The following ARHGAP36 variants were observed in gnomAD, a reference collection of about 807,000 sequenced individuals.
ARHGAP36 encodes rho GTPase-activating protein 36.
Under a neutral mutation model 32.9 loss-of-function variants are expected in ARHGAP36, and 7 were observed. The ratio of observed to expected loss-of-function variants is 0.21; its 90% CI spans 0.12 to 0.40. The LOEUF (loss-of-function observed/expected upper bound fraction) is 0.40. ARHGAP36 is among the 10% of genes least tolerant of loss of function. The pLI, the probability that ARHGAP36 is intolerant of heterozygous loss-of-function variation, is 1.00. For missense variants in ARHGAP36, 383 were observed against 442.2 expected (o/e 0.87, Z 1.20); for synonymous variants, 165 against 168.3 (o/e 0.98, Z 0.15).
At chrX:131,076,854 TATA>T (rs1313515923) in intron 1 of ARHGAP36, among the ~76,000 whole-genome samples, 3 of 112,061 alleles carry the variant, frequency 2.7e-5, no homozygotes, top group Non-Finnish European at 5.6e-5. Flanking sequence ...ATTCTAATAT[TATA>T]ATGTTTCTGA....
At chrX:131,073,271 T>A (rs2079742089) in intron 1 of ARHGAP36, among the ~76,000 whole-genome samples, 2 of 112,886 alleles carry the variant, frequency 1.8e-5, no homozygotes, top group South Asian at 3.7e-4. Flanking sequence ...ACTTTACAGG[T>A]TCTGCGCTGC....
intron 1 of ARHGAP36, among the ~76,000 whole-genome samples, chrX:131,075,093 T>C (rs1372336319): frequency 1.8e-5 from 2 of 112,433 alleles, no homozygotes; most frequent in African/African-American, 6.5e-5. Flanking sequence ...TTCCAGATAG[T>C]AGCACTTCTG....
At chrX:131,058,533 G>T in intron 1 of ARHGAP36, 89 bp downstream of exon 1, 8 of 825,980 alleles carry the variant, frequency 9.7e-6, no homozygotes, top group Non-Finnish European at 1.3e-5. Context: ...CTGGGGCTTG[G>T]CTGGTCGCCC....
chrX:131,076,688 C>A (rs1412807279), intron 1 of ARHGAP36, among the ~76,000 whole-genome samples: 2 of 111,672 alleles, frequency 1.8e-5, no homozygotes, highest in African/African-American at 3.3e-5. Flanking sequence ...ATGGCAAGAG[C>A]CCTGAGACTG....
At chrX:131,084,732 G>C in intron 6 of ARHGAP36, 51 bp downstream of exon 6, 1 of 1,201,181 alleles carries the variant, frequency 8.3e-7, no homozygotes, top group Non-Finnish European at 1.1e-6. Flanking sequence ...AAGAGCAGGA[G>C]GAGGTGGGGT....
intron 1 of ARHGAP36, among the ~76,000 whole-genome samples, chrX:131,081,056 T>C (rs1037629758): frequency 4.5e-5 from 5 of 111,820 alleles, no homozygotes; most frequent in South Asian, 3.7e-4. Flanking sequence ...TAGCTTTTTT[T>C]CCCTTTTTTT....
intron 1 of ARHGAP36, among the ~76,000 whole-genome samples, chrX:131,062,792 G>A (rs1333137904): frequency 8.9e-6 from 1 of 111,861 alleles, no homozygotes; most frequent in East Asian, 2.8e-4. Flanking sequence ...ACAACTTTCT[G>A]AGGTTAGTAT....
Position 131,089,016 on chromosome X carries a change from C to A in ARHGAP36, c.*231C>A. 2.6e-6 allele frequency: 1 copy of A among 378,728 alleles called. No homozygotes were observed. Among genetic ancestry groups the A allele is most frequent in the Non-Finnish European group, 4.3e-6 (1 of 233,388 alleles). 31.2% of individuals were successfully genotyped at this position (378,728 alleles called of 1,213,427 possible). The stretch of plus-strand genomic sequence containing the variant: ...GAGATGTTTCTGTGTCATGCCCAAG[C>A]TCCCCGGTGCTACCTTGCCTTTCTC... On this transcript the variant is annotated 3_prime_UTR_variant, in exon 12 of 12. Transcript: ENST00000276211.
intron 1 of ARHGAP36, among the ~76,000 whole-genome samples, chrX:131,060,221 C>T (rs1050189397): frequency 5.4e-5 from 6 of 111,776 alleles, no homozygotes; most frequent in Non-Finnish European, 1.1e-4. Flanking sequence ...TGAACATGCT[C>T]CAAGTTATAA....
intron 1 of ARHGAP36, among the ~76,000 whole-genome samples, chrX:131,080,413 A>G (rs913849807): frequency 5.4e-5 from 6 of 110,474 alleles, no homozygotes; most frequent in Admixed American, 4.8e-4. Flanking sequence ...AAAAAAAAAA[A>G]GAAATAGTAT....
Position 131,089,076 on chromosome X carries a change from G to A in ARHGAP36, c.*291G>A. The A allele has an allele frequency of 4.1e-6, 1 of 241,856 alleles. No individual in the cohort carries two copies. The highest frequency in any genetic ancestry group is 7.3e-6 in the Non-Finnish European group (1 of 136,782). 19.9% of individuals were successfully genotyped at this position (241,856 alleles called of 1,213,427 possible). On this transcript the variant is annotated 3_prime_UTR_variant, in exon 12 of 12. Coordinates refer to ENST00000276211, the MANE Select transcript of ARHGAP36 (RefSeq NM_144967.4). The stretch of plus-strand genomic sequence containing the variant: ...TGATCTTGGCTTTCTCTCTCTCTCT[G>A]CAGACTTTCCTTTAATTGATGTGAC...
chrX:131,078,898 A>T, intron 1 of ARHGAP36: 1 of 305,300 alleles, frequency 3.3e-6, no homozygotes, highest in Non-Finnish European at 5.5e-6. Context: ...ATCTAGGCTG[A>T]CTCATCTCTC....
chrX:131,081,560 G>T lies in ARHGAP36; in HGVS notation c.-106G>T. 1.1e-5 allele frequency: 12 copies of T among 1,120,099 alleles called. No individual in the cohort carries two copies. Among genetic ancestry groups the T allele is most frequent in the Non-Finnish European group, 1.4e-5 (12 of 851,840 alleles). The allele number at this position is 1,120,099 out of a possible 1,213,427, so 92.3% of individuals were successfully genotyped here. A position where few individuals can be genotyped will look rare whatever the true frequency, so the allele number is the denominator to read the frequency against. On this transcript the variant is annotated 5_prime_UTR_variant, in exon 2 of 12. Coordinates refer to ENST00000276211, the MANE Select transcript of ARHGAP36 (RefSeq NM_144967.4). ...AGAGGCTGCTCTGCTTGAGGGTGAA[G>T]CCGCCTCCCAGTTTTCCCTCCCCCT...
chrX:131,085,783 AT>A (rs1474008349), intron 8 of ARHGAP36, 47 bp downstream of exon 8: 1 of 1,193,743 alleles, frequency 8.4e-7, no homozygotes, highest in Non-Finnish European at 1.1e-6. Flanking sequence ...TAGGGGACAT[AT>A]GTGGGAGTAT....
chrX:131,081,717 A>G lies in ARHGAP36; in HGVS notation c.52A>G (p.Ile18Val). ...GGCAGCAAGGGCACTGTGCCCCAGA[A>G]TCATGCCCCCTTTGCTGTTGTTGTC... ...LKAARALCPR[I>V]MPPLLLLSAF... The change falls in exon 2 of 12, where the codon ATC becomes GTC. Residue 18 changes from isoleucine to valine, a missense_variant. This residue lies in a region of ARHGAP36 where 156 missense variants were observed against 131.0 expected (regional missense o/e 1.19). Transcript: ENST00000276211. 1 of 1,211,412 alleles carries G rather than the reference A, an allele frequency of 8.3e-7. No individual in the cohort carries two copies.
chrX:131,073,371 G>C (rs769977902), intron 1 of ARHGAP36, among the ~76,000 whole-genome samples: 546 of 111,655 alleles, frequency 4.9e-3, no homozygotes, highest in Admixed American at 9.7e-3. Context: ...CAGAGACCCA[G>C]GGCAACCCCG....
rs941461541 is a variant in ARHGAP36, at chrX:131,081,911, T to A, written c.246T>A (p.Pro82=). Residue 82 remains proline (P), a synonymous_variant, in exon 2 of 12, where the codon CCT becomes CCA. Transcript: ENST00000276211. ...VARHFLSEFK[P]DRALPIDRPN... ...GACATTTCCTCTCCGAATTCAAACC[T>A]GACAGAGGTAAGCTGTACCCCGGAT... 8.3e-7 allele frequency: 1 copy of A among 1,209,703 alleles called. No homozygotes were observed. The highest frequency in any genetic ancestry group is 1.7e-5 in the African/African-American group (1 of 57,169).
rs10521763 is a variant in ARHGAP36, at chrX:131,085,749, T to C, written c.1104+13T>C. ...TGATGGACAGTTGGTAAAAAGATCT[T>C]GGAAAGAGTAGTGAAAACTGTAGTA... On this transcript the variant is annotated intron_variant, in intron 8 of 11. Coordinates refer to ENST00000276211, the MANE Select transcript of ARHGAP36 (RefSeq NM_144967.4). The C allele has an allele frequency of 0.14, 165,318 of 1,207,229 alleles. 9,896 individuals are homozygous for C. The highest frequency in any genetic ancestry group is 0.35 in the African/African-American group (19,941 of 56,658).
intron 1 of ARHGAP36, among the ~76,000 whole-genome samples, chrX:131,080,293 T>C (rs903036255): frequency 4.5e-5 from 5 of 111,481 alleles, no homozygotes; most frequent in Admixed American, 9.5e-5. Flanking sequence ...TGTTTTCTCC[T>C]TTCTGCTCTC....
Sources: gnomAD v4.1 joint callset for allele counts (sites outside exome capture counted in the v4.1 genomes callset) on GRCh38, gnomAD v4.1.1 for gene constraint, gnomAD v4.1.1 regional missense constraint, MANE v1.5 for transcripts, NCBI Gene and HGNC (gene_info 2026-07-23, HGNC 2026-07-21) for gene names.